KMT2E: variants seen among roughly 807,000 people sequenced by gnomAD.
KMT2E encodes the protein lysine methyltransferase 2E (inactive), also known as histone reader KMT2E.
KMT2E carries 30 observed loss-of-function variants against 184.6 expected under a neutral mutation model. The ratio of observed to expected loss-of-function variants is 0.16; its 90% CI spans 0.12 to 0.22. KMT2E has a LOEUF of 0.22. Among genes scored for constraint, KMT2E ranks in the 10% least tolerant of loss-of-function variants. The pLI, the probability that KMT2E is intolerant of heterozygous loss-of-function variation, is 1.00. For synonymous variants in KMT2E, 815 were observed against 776.5 expected, an observed-to-expected ratio of 1.05 and a Z score of -0.82; for missense variants, 2,023 against 2,237.4, an observed-to-expected ratio of 0.90 and a Z score of 1.93.
chr7:105,065,090 A>G (rs1433158269), intron 5 of KMT2E, among the ~76,000 whole-genome samples: 2 of 152,140 alleles, frequency 1.3e-5, no homozygotes, highest in African/African-American at 4.8e-5. Context: ...CTTCTCAGAG[A>G]GTACTTTTTG....
Position 105,110,806 on chromosome 7 carries a change from A to T in KMT2E, c.4006A>T (p.Asn1336Tyr). 1.9e-6 allele frequency: 3 copies of T among 1,614,130 alleles called. No homozygotes were observed. The East Asian group carries it at 6.7e-5, about 36-fold the overall frequency. The change falls in exon 26 of 27, where the codon AAT becomes TAT. Residue 1336 changes from asparagine (N) to tyrosine (Y), a missense_variant. Transcript: ENST00000311117. ...TGAAAATCCAGAACCCACAACTACG[A>T]ATGAATGTCCATCCCCAGATACTTC... ...DPENPEPTTT[N>Y]ECPSPDTSQN...
At chr7:105,097,172 C>T (rs938999380) in intron 15 of KMT2E, among the ~76,000 whole-genome samples, 9 of 152,144 alleles carry the variant, frequency 5.9e-5, no homozygotes, top group African/African-American at 2.2e-4. Context: ...TTAGAATATG[C>T]AATGCTTTAA....
At chr7:105,086,646 A>C (rs551160573) in intron 13 of KMT2E, among the ~76,000 whole-genome samples, 8 of 151,736 alleles carry the variant, frequency 5.3e-5, no homozygotes, top group African/African-American at 1.5e-4. Flanking sequence ...AATCACTTGA[A>C]CCTGGGAGGT....
chr7:105,017,912 A>G (rs1396457123), intron 1 of KMT2E, among the ~76,000 whole-genome samples: 1 of 152,084 alleles, frequency 6.6e-6, no homozygotes, highest in Admixed American at 6.5e-5. Flanking sequence ...ACTGCCCTAC[A>G]ATTTTGGCTC....
At chr7:105,062,387 A>G (rs947970287) in intron 4 of KMT2E, 109 bp downstream of exon 4, 11 of 606,720 alleles carry the variant, frequency 1.8e-5, no homozygotes, top group Non-Finnish European at 2.8e-5. Context: ...TGGTTGTTTC[A>G]TACTATCAAA....
At chr7:105,067,352 A>G (rs1797074458) in intron 6 of KMT2E, among the ~76,000 whole-genome samples, 1 of 152,066 alleles carries the variant, frequency 6.6e-6, no homozygotes, top group Admixed American at 6.6e-5. Context: ...CCCTTAGTTA[A>G]AGAATTTAGT....
intron 1 of KMT2E, among the ~76,000 whole-genome samples, chr7:105,035,582 T>C (rs1455387610): frequency 6.6e-6 from 1 of 152,060 alleles, no homozygotes; most frequent in Non-Finnish European, 1.5e-5. Flanking sequence ...CATTTAATTT[T>C]ATTTTCTTGC....
At chr7:105,043,201 T>C (rs1196528843) in intron 3 of KMT2E, among the ~76,000 whole-genome samples, 1 of 152,150 alleles carries the variant, frequency 6.6e-6, no homozygotes, top group African/African-American at 2.4e-5. Context: ...TTTCCCTTTT[T>C]AGATTTTCAG....
intron 13 of KMT2E, among the ~76,000 whole-genome samples, chr7:105,083,363 CCTCAGTGTTGAA>C (rs773861020): frequency 6.6e-6 from 1 of 152,018 alleles, no homozygotes; most frequent in Non-Finnish European, 1.5e-5. Flanking sequence ...ACTTTGATGC[CCTCAGTGTTGAA>C]CTCATAGGGT....
At chr7:105,041,076 AGCT>A in intron 3 of KMT2E, 53 bp downstream of exon 3, 3 of 1,066,462 alleles carry the variant, frequency 2.8e-6, no homozygotes, top group African/African-American at 1.7e-5. Flanking sequence ...ACCCTTCTGG[AGCT>A]AGAAAGTAGG....
intron 3 of KMT2E, among the ~76,000 whole-genome samples, chr7:105,049,381 C>T (rs1203716570): frequency 6.6e-6 from 1 of 151,686 alleles, no homozygotes; most frequent in Non-Finnish European, 1.5e-5. Flanking sequence ...GAGGTCTAGG[C>T]TGCAGTGAGC....
Position 105,105,510 on chromosome 7 carries a change from G to A in KMT2E, c.2268G>A (p.Arg756=). Residue 756 remains arginine (R), a synonymous_variant, in exon 18 of 27, where the codon AGG becomes AGA. Transcript: ENST00000311117. The part of the protein sequence containing the change: ...TGKPSDGLSE[R]PLRITTDPEV... Reference sequence around the variant, plus strand: ...AACCTTCAGATGGCCTTTCAGAAAGGCCTCTACGCATAACTACAGATCCTG... The same window carrying A: ...AACCTTCAGATGGCCTTTCAGAAAGACCTCTACGCATAACTACAGATCCTG... 1 of 1,613,482 alleles carries A rather than the reference G, an allele frequency of 6.2e-7. No homozygotes were observed. Among genetic ancestry groups the A allele is most frequent in the Non-Finnish European group, 8.5e-7 (1 of 1,179,780 alleles).
At chr7:105,043,463 C>A (rs1372962228) in intron 3 of KMT2E, among the ~76,000 whole-genome samples, 1 of 151,870 alleles carries the variant, frequency 6.6e-6, no homozygotes, top group Non-Finnish European at 1.5e-5. Context: ...GTCTCGATCT[C>A]CTGACCTCGT....
rs759349560 is a variant in KMT2E at position 105,106,636 on chromosome 7, C to A, written c.2711C>A (p.Thr904Asn). The change falls in exon 20 of 27, where the codon ACT (threonine) becomes AAT (asparagine). Residue 904 changes from threonine to asparagine, a missense_variant. Transcript: ENST00000311117. ...PYATPTHTDI[T>N]PMDPSFATPP... ...GCTACACCAACTCACACCGATATTA[C>A]TCCTATGGACCCATCTTTTGCCACG... The A allele has an allele frequency of 6.2e-7, 1 of 1,614,132 alleles. No homozygotes were observed. Among genetic ancestry groups the A allele is most frequent in the Non-Finnish European group, 8.5e-7 (1 of 1,179,986 alleles).
At chr7:105,051,573 A>G (rs187047927) in intron 3 of KMT2E, among the ~76,000 whole-genome samples, 1 of 152,096 alleles carries the variant, frequency 6.6e-6, no homozygotes, top group Admixed American at 6.5e-5. Flanking sequence ...CTTAACCCCT[A>G]TGTCTAATTT....
intron 3 of KMT2E, among the ~76,000 whole-genome samples, chr7:105,051,060 TTTC>T (rs1263113636): frequency 2.3e-4 from 34 of 149,844 alleles, no homozygotes; most frequent in East Asian, 1.6e-3. Flanking sequence ...TTTCTTTCCT[TTTC>T]TTTCTTTCTT....
intron 6 of KMT2E, among the ~76,000 whole-genome samples, chr7:105,073,254 C>A (rs954486964): frequency 2.6e-5 from 4 of 151,418 alleles, no homozygotes; most frequent in African/African-American, 9.7e-5. Flanking sequence ...AAAATTAGCC[C>A]GGCATGATGG....
At chr7:105,051,429 C>A (rs1796343060) in intron 3 of KMT2E, among the ~76,000 whole-genome samples, 1 of 151,856 alleles carries the variant, frequency 6.6e-6, no homozygotes, top group South Asian at 2.1e-4. Flanking sequence ...AGGTGATACG[C>A]CCGCCTCGGC....
chr7:105,073,581 T>C, intron 6 of KMT2E, 38 bp from the exon 7 acceptor site: 1 of 1,255,300 alleles, frequency 8.0e-7, no homozygotes, highest in South Asian at 1.2e-5. Flanking sequence ...ATCTGCTTCA[T>C]GTATTTGATA....
Sources: allele counts gnomAD v4.1 joint callset (sites outside exome capture counted in the v4.1 genomes callset), GRCh38; gene constraint gnomAD v4.1.1; transcripts MANE v1.5; gene names NCBI Gene and HGNC (gene_info 2026-07-23, HGNC 2026-07-21).